UNC13A: variants seen among roughly 807,000 people sequenced by gnomAD.
The protein encoded by UNC13A is protein unc-13 homolog A.
A neutral mutation model predicts 219.7 loss-of-function variants in UNC13A; 61 were observed. The observed-to-expected ratio is 0.28, with a 90% CI of 0.23 to 0.34. UNC13A has a LOEUF of 0.34. UNC13A is among the 10% of genes least tolerant of loss of function. The pLI is 1.00. For synonymous variants in UNC13A, 920 were observed against 884.6 expected (o/e 1.04, Z -0.71); for missense variants, 1,476 against 2,270.3 (o/e 0.65, Z 7.11).
chr19:17,672,214 G>C (rs2079802290), intron 4 of UNC13A, among the ~76,000 whole-genome samples, 164 bp downstream of exon 4: 1 of 152,208 alleles, frequency 6.6e-6, no homozygotes, highest in Non-Finnish European at 1.5e-5. Context: ...CAAGATGGAA[G>C]GTGTATAGGC....
At chr19:17,638,752 C>A (rs2076937195) in intron 25 of UNC13A, among the ~76,000 whole-genome samples, 1 of 151,888 alleles carries the variant, frequency 6.6e-6, no homozygotes, top group Non-Finnish European at 1.5e-5. Context: ...TCATTTAAAC[C>A]TGGGAGGCAG....
intron 1 of UNC13A, among the ~76,000 whole-genome samples, chr19:17,680,988 C>A (rs1252258139): frequency 7.3e-6 from 1 of 136,152 alleles, no homozygotes. Flanking sequence ...CAGCCTCGAT[C>A]TCCCAGGTTC....
At chr19:17,683,278 C>T (rs2080051957) in intron 1 of UNC13A, among the ~76,000 whole-genome samples, 1 of 152,060 alleles carries the variant, frequency 6.6e-6, no homozygotes, top group African/African-American at 2.4e-5. Flanking sequence ...CTCATCTGTA[C>T]AATGGGGCTA....
intron 12 of UNC13A, among the ~76,000 whole-genome samples, chr19:17,650,249 G>A (rs770034581): frequency 4.6e-5 from 7 of 152,276 alleles, no homozygotes; most frequent in East Asian, 1.9e-4. Flanking sequence ...GGTGGCTTAC[G>A]CCTGTAATAA....
rs767712772 is a variant in UNC13A, at chr19:17,633,323, C to A, written c.3216-130G>T. ...GATTTGGGTTCAGGTTCCCTCATAGCCACTGCTGACTGACTCTGCACTAAG... is the reference window on the plus strand; with the variant it reads ...GATTTGGGTTCAGGTTCCCTCATAGACACTGCTGACTGACTCTGCACTAAG... On this transcript the variant is annotated intron_variant, in intron 26 of 43. Transcript: ENST00000519716. 5.4e-6 allele frequency: 4 copies of A among 741,164 alleles called. No individual in the cohort carries two copies. The Admixed American group carries it at 9.6e-5, about 18-fold the overall frequency. The allele number at this position is 741,164 out of a possible 1,614,324, so 45.9% of individuals were successfully genotyped here.
At chr19:17,640,682 G>A (rs547146301) in intron 21 of UNC13A, 21 bp from the exon 22 acceptor site, 1 of 1,560,884 alleles carries the variant, frequency 6.4e-7, no homozygotes, top group South Asian at 1.2e-5. Context: ...GGAGCAGGAG[G>A]CACTAGGCCA....
At chr19:17,632,313 G>C (rs894313101) in intron 28 of UNC13A, among the ~76,000 whole-genome samples, 2 of 152,174 alleles carry the variant, frequency 1.3e-5, no homozygotes, top group Non-Finnish European at 2.9e-5. Context: ...CCAAAGTCCT[G>C]GGATTACAGG....
intron 37 of UNC13A, 123 bp downstream of exon 37, chr19:17,621,709 A>C: frequency 1.1e-6 from 1 of 926,974 alleles, no homozygotes; most frequent in Non-Finnish European, 1.7e-6. Context: ...CTTGGTTAGG[A>C]GAGCTATCTC....
intron 1 of UNC13A, among the ~76,000 whole-genome samples, chr19:17,680,879 C>CTTTTTTTTTTTTTTTTTTTTT (rs2079996579): frequency 1.2e-5 from 1 of 80,196 alleles, no homozygotes; most frequent in Non-Finnish European, 2.6e-5. Flanking sequence ...CTTTTTTTTT[C>CTTTTTTTTTTTTTTTTTTTTT]TTTTCTTTTC....
chr19:17,646,671 GC>G (rs1025388859), intron 17 of UNC13A, among the ~76,000 whole-genome samples: 26 of 151,000 alleles, frequency 1.7e-4, no homozygotes, highest in South Asian at 4.2e-4. Context: ...GCTCGTTGGT[GC>G]CCCCTGCAGG....
At chr19:17,625,284 G>A (rs1242169671) in intron 34 of UNC13A, among the ~76,000 whole-genome samples, 1 of 152,150 alleles carries the variant, frequency 6.6e-6, no homozygotes, top group Non-Finnish European at 1.5e-5. Flanking sequence ...CAGTGTGGGG[G>A]ATGAACCGAA....
chr19:17,668,023 A>C lies in UNC13A; in HGVS notation c.468+94T>G, dbSNP rs7248783. 3.1e-6 allele frequency: 4 copies of C among 1,306,696 alleles called. No individual in the cohort carries two copies. In the African/African-American group the frequency reaches 5.9e-5, roughly 19 times the overall value. 80.9% of individuals were successfully genotyped at this position (1,306,696 alleles called of 1,614,324 possible). On this transcript the variant is annotated intron_variant, in intron 6 of 43. Coordinates refer to ENST00000519716, the MANE Select transcript of UNC13A (RefSeq NM_001080421.3). ...TAGAAACAGAGATGCAGGGAAAGACAAGCTTAGAGAGAAACAGCATCTGTA... is the reference window on the plus strand; with the variant it reads ...TAGAAACAGAGATGCAGGGAAAGACCAGCTTAGAGAGAAACAGCATCTGTA...
At chr19:17,631,172 T>TTCCTTCCTTCCTTCTTCAGATAAACTG (rs2076844686) in intron 28 of UNC13A, among the ~76,000 whole-genome samples, 1 of 7,524 alleles carries the variant, frequency 1.3e-4, no homozygotes, top group African/African-American at 5.8e-4. Context: ...CCTCCCTCCC[T>TTCCTTCCTTCCTTCTTCAGATAAACTG]CCCTCCTTTC....
chr19:17,619,974 C>T (rs972317571), intron 38 of UNC13A, among the ~76,000 whole-genome samples: 2 of 152,234 alleles, frequency 1.3e-5, no homozygotes, highest in African/African-American at 4.8e-5. Context: ...TTAGTCTGGA[C>T]TGAACAAGTC....
intron 17 of UNC13A, among the ~76,000 whole-genome samples, chr19:17,647,006 C>T (rs749286301): frequency 1.2e-4 from 18 of 152,324 alleles, no homozygotes; most frequent in Non-Finnish European, 7.4e-5. Flanking sequence ...TCCAGATAAA[C>T]CATGCACCCT....
intron 9 of UNC13A, 66 bp downstream of exon 9, chr19:17,657,996 T>TA (rs1185934271): frequency 6.5e-7 from 1 of 1,539,454 alleles, no homozygotes; most frequent in Non-Finnish European, 8.9e-7. Context: ...TCCAGCCCCG[T>TA]ACCCCTCTCT....
Position 17,658,119 on chromosome 19 carries a change from T to G in UNC13A, c.710A>C (p.Glu237Ala). ...SVRPPPLGSR[E>A]SYSDSMHSYE... is the part of the protein sequence containing the mutation. Reference sequence around the variant, plus strand: ...ACTGTGCATGGAGTCACTGTAGGACTCCCGGGAGCCCAGGGGTGGTGGGCG... The same window carrying G: ...ACTGTGCATGGAGTCACTGTAGGACGCCCGGGAGCCCAGGGGTGGTGGGCG... The change falls in exon 9 of 44, where the codon GAG becomes GCG. Residue 237 changes from glutamate to alanine, a missense_variant. Transcript: ENST00000519716. The G allele has an allele frequency of 6.2e-7, 1 of 1,613,812 alleles. No homozygotes were observed. Among genetic ancestry groups the G allele is most frequent in the Non-Finnish European group, 8.5e-7 (1 of 1,179,852 alleles).
intron 12 of UNC13A, among the ~76,000 whole-genome samples, chr19:17,651,664 C>T (rs1197626814): frequency 3.3e-5 from 5 of 152,114 alleles, no homozygotes; most frequent in Admixed American, 2.0e-4. Flanking sequence ...CATCTTTTCT[C>T]GGCAGCCTCC....
rs371120522 is a variant in UNC13A, at chr19:17,645,009, C to T, written c.2356+665G>A. 6.2e-4 allele frequency among the ~76,000 whole-genome samples: 78 copies of T among 126,584 alleles called. 1 individual carries two copies. The East Asian group carries it at 0.012, about 19-fold the overall frequency. The allele number at this position is 126,584 out of a possible 152,430, so 83.0% of individuals were successfully genotyped here. ...CTGCCCGGCGCCCCCAGCCTGGATTCTTTTTTTTTTTTTTTTGAGTGGGAG... is the reference window on the plus strand; with the variant it reads ...CTGCCCGGCGCCCCCAGCCTGGATTTTTTTTTTTTTTTTTTTGAGTGGGAG... On this transcript the variant is annotated intron_variant, in intron 19 of 43. Coordinates refer to ENST00000519716, the MANE Select transcript of UNC13A (RefSeq NM_001080421.3).
Sources: gnomAD v4.1 joint callset for allele counts (sites outside exome capture counted in the v4.1 genomes callset) on GRCh38, gnomAD v4.1.1 for gene constraint, MANE v1.5 for transcripts, NCBI Gene and HGNC (gene_info 2026-07-23, HGNC 2026-07-21) for gene names.